Variants in SPECC1L observed in about 807,000 individuals in gnomAD.
The protein encoded by SPECC1L is cytospin-A.
SPECC1L carries 40 observed loss-of-function variants against 116.8 expected under a neutral mutation model. That is an observed-to-expected ratio of 0.34 (90% CI 0.27 to 0.45). The LOEUF is 0.45. Ranked by LOEUF, SPECC1L falls within the 20% of genes least tolerant of loss-of-function variation. The probability of loss-of-function intolerance (pLI) is 1.00; values close to 1 mark genes in which losing one functional copy is unlikely to be tolerated. For synonymous variants in SPECC1L, 504 were observed against 500.6 expected (o/e 1.01, Z -0.09); for missense variants, 1,110 against 1,373.6 (o/e 0.81, Z 3.03).
intron 2 of SPECC1L, among the ~76,000 whole-genome samples, chr22:24,296,837 G>A (rs2049274201): frequency 6.6e-6 from 1 of 152,162 alleles, no homozygotes; most frequent in Non-Finnish European, 1.5e-5. Context: ...GTGGTTGGTG[G>A]GTGCTATAGG....
At chr22:24,319,888 A>T (rs1039855217) in intron 4 of SPECC1L, among the ~76,000 whole-genome samples, 1 of 152,162 alleles carries the variant, frequency 6.6e-6, no homozygotes, top group African/African-American at 2.4e-5. Context: ...TGTGGATCTT[A>T]TTTTTTAACA....
chr22:24,389,140 A>T (rs2042218318), intron 14 of SPECC1L, among the ~76,000 whole-genome samples: 2 of 129,490 alleles, frequency 1.5e-5, no homozygotes, highest in South Asian at 2.4e-4. Context: ...TTGGAGACAG[A>T]GTTTCACTCT....
At chr22:24,404,321 G>A (rs1459851582) in intron 14 of SPECC1L, among the ~76,000 whole-genome samples, 3 of 152,068 alleles carry the variant, frequency 2.0e-5, no homozygotes, top group South Asian at 2.1e-4. Flanking sequence ...CTGTCTCTCC[G>A]CACTGCTCTC....
At chr22:24,331,829 AT>A (rs149886589) in intron 8 of SPECC1L, among the ~76,000 whole-genome samples, 16 of 151,678 alleles carry the variant, frequency 1.1e-4, no homozygotes, top group African/African-American at 3.1e-4. Flanking sequence ...CACATACTTG[AT>A]TTTTTTTTAA....
intron 2 of SPECC1L, among the ~76,000 whole-genome samples, chr22:24,280,839 G>A (rs572468148): frequency 3.3e-5 from 5 of 152,136 alleles, no homozygotes; most frequent in South Asian, 4.2e-4. Context: ...CACCCTACTC[G>A]GCCACCGAAA....
chr22:24,409,185 A>C (rs2042646694), intron 14 of SPECC1L, among the ~76,000 whole-genome samples: 1 of 152,238 alleles, frequency 6.6e-6, no homozygotes, highest in Non-Finnish European at 1.5e-5. Context: ...TCATTCTGTG[A>C]ATCACTCATT....
At chr22:24,311,968 T>C (rs1216025421) in intron 3 of SPECC1L, among the ~76,000 whole-genome samples, 4 of 151,806 alleles carry the variant, frequency 2.6e-5, no homozygotes, top group Non-Finnish European at 4.4e-5. Flanking sequence ...TTTCTGCCTC[T>C]TTTTTTGGGG....
chr22:24,300,135 G>A (rs185197632), intron 2 of SPECC1L, among the ~76,000 whole-genome samples: 26 of 152,098 alleles, frequency 1.7e-4, no homozygotes, highest in African/African-American at 5.5e-4. Context: ...CTCTCCCCTC[G>A]TTCCCCACCC....
At chr22:24,277,719 T>C (rs540113452) in intron 2 of SPECC1L, among the ~76,000 whole-genome samples, 2 of 152,378 alleles carry the variant, frequency 1.3e-5, no homozygotes, top group East Asian at 3.9e-4. Flanking sequence ...TCATTTCTTA[T>C]ATGCTGAATG....
At chr22:24,343,392 A>C (rs1210195783) in intron 10 of SPECC1L, 1 of 413,446 alleles carries the variant, frequency 2.4e-6, no homozygotes, top group Non-Finnish European at 4.7e-6. Flanking sequence ...GGCAGGTGAG[A>C]ATGATCACAG....
intron 11 of SPECC1L, among the ~76,000 whole-genome samples, chr22:24,358,170 A>T: frequency 6.9e-6 from 1 of 145,420 alleles, no homozygotes; most frequent in Admixed American, 7.0e-5. Flanking sequence ...GTTGGAGTGC[A>T]GTGGTGTGAT....
intron 3 of SPECC1L, 116 bp from the exon 4 acceptor site, chr22:24,313,197 T>C (rs1168589189): frequency 2.0e-6 from 2 of 1,011,314 alleles, no homozygotes; most frequent in African/African-American, 3.2e-5. Flanking sequence ...ACCTGTCAGA[T>C]AGTTTTGGTA....
chr22:24,303,262 C>G (rs1013340159), intron 3 of SPECC1L, among the ~76,000 whole-genome samples: 5 of 152,132 alleles, frequency 3.3e-5, no homozygotes, highest in Admixed American at 6.6e-5. Flanking sequence ...TTTTTCTATT[C>G]TAAGGTTGTT....
At position 24,414,723 on chromosome 22, in the gene SPECC1L, A is replaced by T. The variant is rs1601379745; in HGVS notation, c.*100A>T. 9.8e-7 allele frequency: 1 copy of T among 1,021,924 alleles called. No individual in the cohort carries two copies. The highest frequency in any genetic ancestry group is 1.6e-5 in the African/African-American group (1 of 63,380). 63.3% of individuals were successfully genotyped at this position (1,021,924 alleles called of 1,614,324 possible). ...ACGCACCCCTGTAAAGCTTCCAGCA[A>T]CTCTGGGCTGCCCCACAGCGTGTGA... On this transcript the variant is annotated 3_prime_UTR_variant, in exon 17 of 17. Transcript: ENST00000314328.
chr22:24,357,046 A>G lies in SPECC1L; in HGVS notation c.2744-6215A>G, dbSNP rs139799229. Reference sequence around the variant, plus strand: ...ACTGGGGGAATGGGGGTGATACTCTAATAATCCCCTGGGGGGGCAAATTTG... The same window carrying G: ...ACTGGGGGAATGGGGGTGATACTCTGATAATCCCCTGGGGGGGCAAATTTG... On this transcript the variant is annotated intron_variant, in intron 11 of 16. Transcript: ENST00000314328. Among the ~76,000 whole-genome samples, 610 of 63,534 alleles carry G rather than the reference A, an allele frequency of 9.6e-3. 5 individuals carry two copies. Among genetic ancestry groups the G allele is most frequent in the African/African-American group, 0.073 (569 of 7,832 alleles). The allele number at this position is 63,534 out of a possible 152,430, so 41.7% of individuals were successfully genotyped here. A position where few individuals can be genotyped will look rare whatever the true frequency, so the allele number is the denominator to read the frequency against.
intron 14 of SPECC1L, among the ~76,000 whole-genome samples, chr22:24,379,920 A>G (rs754099857): frequency 7.9e-5 from 12 of 152,070 alleles, no homozygotes; most frequent in African/African-American, 1.4e-4. Context: ...CTGGAGTGCA[A>G]TGGCACAATC....
At chr22:24,296,961 T>TC (rs1434398606) in intron 2 of SPECC1L, among the ~76,000 whole-genome samples, 2 of 151,210 alleles carry the variant, frequency 1.3e-5, no homozygotes, top group South Asian at 4.2e-4. Context: ...TTTTTTTTTT[T>TC]CTGAGACCAA....
intron 11 of SPECC1L, 66 bp downstream of exon 11, chr22:24,347,242 C>T (rs761017130): frequency 1.6e-6 from 2 of 1,222,100 alleles, no homozygotes; most frequent in Non-Finnish European, 2.4e-6. Context: ...GCTTTTTTGG[C>T]AAACTAAATA....
intron 8 of SPECC1L, among the ~76,000 whole-genome samples, chr22:24,333,410 A>G (rs2040979116): frequency 6.6e-6 from 1 of 152,186 alleles, no homozygotes; most frequent in African/African-American, 2.4e-5. Flanking sequence ...CTGCAATTGT[A>G]ATCTCATTCC....
Sources: gnomAD v4.1 joint callset for allele counts (sites outside exome capture counted in the v4.1 genomes callset) on GRCh38, gnomAD v4.1.1 for gene constraint, MANE v1.5 for transcripts, NCBI Gene and HGNC (gene_info 2026-07-23, HGNC 2026-07-21) for gene names.